The following CFAP58 variants were observed in gnomAD, a reference collection of about 807,000 sequenced individuals.
CFAP58 encodes cilia and flagella associated protein 58.
Under a neutral mutation model 119.5 loss-of-function variants are expected in CFAP58, and 88 were observed. The ratio of observed to expected loss-of-function variants is 0.74; its 90% CI spans 0.62 to 0.88. The LOEUF is 0.88. Among genes scored for constraint, CFAP58 ranks in the 40% least tolerant of loss-of-function variants. CFAP58 has a pLI of 0.00. For missense variants in CFAP58, 990 were observed against 1,021.2 expected (o/e 0.97, Z 0.42); for synonymous variants, 365 against 366.3 (o/e 1.00, Z 0.04).
chr10:104,437,343 GGTT>G (rs1488720268), intron 15 of CFAP58, among the ~76,000 whole-genome samples: 1 of 152,168 alleles, frequency 6.6e-6, no homozygotes, highest in Non-Finnish European at 1.5e-5. Context: ...GGAAAGTAAA[GGTT>G]GTTGTAACAT....
rs1446449541 is a variant in CFAP58 at position 104,402,661 on chromosome 10, G to C, written c.2040-1068G>C. Among the ~76,000 whole-genome samples, 7 of 152,202 alleles carry C rather than the reference G, an allele frequency of 4.6e-5. No individual in the cohort carries two copies. The East Asian group carries it at 1.3e-3, about 29-fold the overall frequency. The stretch of plus-strand genomic sequence containing the variant: ...AGATTTCTGAAGATTTTAGCGGTGT[G>C]TTTCAGCCAGAGCTAGTTATTCAGG... On this transcript the variant is annotated intron_variant, in intron 13 of 17. Coordinates refer to ENST00000369704, the MANE Select transcript of CFAP58 (RefSeq NM_001008723.2).
intron 15 of CFAP58, among the ~76,000 whole-genome samples, chr10:104,413,904 T>A (rs1402558440): frequency 2.6e-5 from 4 of 152,182 alleles, no homozygotes; most frequent in Admixed American, 2.6e-4. Flanking sequence ...TGATGAACAC[T>A]CAGAGCTACT....
At chr10:104,447,543 A>T (rs2013128923) in intron 15 of CFAP58, among the ~76,000 whole-genome samples, 155 bp from the exon 16 acceptor site, 1 of 152,164 alleles carries the variant, frequency 6.6e-6, no homozygotes, top group African/African-American at 2.4e-5. Context: ...GATTGTTTCA[A>T]TGCATGACTG....
intron 15 of CFAP58, among the ~76,000 whole-genome samples, chr10:104,436,501 T>A (rs766525012): frequency 1.3e-5 from 2 of 152,110 alleles, no homozygotes; most frequent in Non-Finnish European, 2.9e-5. Context: ...AGCGAGCTTT[T>A]TCTTATGGTG....
chr10:104,372,768 T>C (rs2014841473), intron 7 of CFAP58, among the ~76,000 whole-genome samples: 1 of 152,262 alleles, frequency 6.6e-6, no homozygotes, highest in Admixed American at 6.5e-5. Context: ...TTTACCCATT[T>C]GGCGTTGAGC....
chr10:104,375,152 G>A (rs1276053419), intron 7 of CFAP58, among the ~76,000 whole-genome samples: 1 of 150,886 alleles, frequency 6.6e-6, no homozygotes, highest in African/African-American at 2.4e-5. Flanking sequence ...TCTGTATTCT[G>A]TATTCTCTAT....
At chr10:104,367,270 A>G (rs867766063) in intron 5 of CFAP58, among the ~76,000 whole-genome samples, 2 of 152,224 alleles carry the variant, frequency 1.3e-5, no homozygotes, top group Non-Finnish European at 2.9e-5. Flanking sequence ...GTTTAGGGTG[A>G]CACAAGTATT....
intron 15 of CFAP58, among the ~76,000 whole-genome samples, chr10:104,411,351 G>A (rs2012457181): frequency 6.6e-6 from 1 of 151,774 alleles, no homozygotes; most frequent in Non-Finnish European, 1.5e-5. Context: ...ATAGTTTCTT[G>A]ATCTTTTCTC....
chr10:104,446,603 T>A (rs1300976796), intron 15 of CFAP58, among the ~76,000 whole-genome samples: 1 of 152,266 alleles, frequency 6.6e-6, no homozygotes, highest in Non-Finnish European at 1.5e-5. Context: ...TTTGACTGAA[T>A]GTTTCATTTA....
chr10:104,444,442 T>C (rs982532140), intron 15 of CFAP58, among the ~76,000 whole-genome samples: 1 of 152,216 alleles, frequency 6.6e-6, no homozygotes, highest in Admixed American at 6.5e-5. Flanking sequence ...ATAGATTCTC[T>C]TTATAATAGA....
intron 15 of CFAP58, among the ~76,000 whole-genome samples, chr10:104,411,705 G>T (rs2012463206): frequency 6.6e-6 from 1 of 151,536 alleles, no homozygotes; most frequent in Non-Finnish European, 1.5e-5. Context: ...ACATATACTA[G>T]AACCTCAAAC....
intron 3 of CFAP58, among the ~76,000 whole-genome samples, chr10:104,363,614 A>C (rs2014701583): frequency 6.6e-6 from 1 of 152,210 alleles, no homozygotes; most frequent in African/African-American, 2.4e-5. Flanking sequence ...GGAGAATGGA[A>C]GAAACAATCC....
Position 104,368,464 on chromosome 10 carries a change from G to T in CFAP58, c.834G>T (p.Gln278His). 1 of 1,613,942 alleles carries T rather than the reference G, an allele frequency of 6.2e-7. No homozygotes were observed. The highest frequency in any genetic ancestry group is 8.5e-7 in the Non-Finnish European group (1 of 1,179,886). The part of the protein sequence containing the change: ...ERAAKELEQF[Q>H]MRNAKLQQEN... The stretch of plus-strand genomic sequence containing the variant: ...CTGCAAAGGAACTCGAGCAATTTCA[G>T]ATGAGAAATGCTAAACTTCAGCAAG... The change falls in exon 6 of 18, where the codon CAG becomes CAT. Residue 278 changes from glutamine (Q) to histidine (H), a missense_variant. Coordinates refer to ENST00000369704, the MANE Select transcript of CFAP58 (RefSeq NM_001008723.2).
intron 15 of CFAP58, 59 bp downstream of exon 15, chr10:104,406,852 C>T: frequency 7.6e-7 from 1 of 1,307,240 alleles, no homozygotes; most frequent in Non-Finnish European, 1.1e-6. Context: ...ATCTCCAGGA[C>T]TACGTTCTTA....
intron 13 of CFAP58, among the ~76,000 whole-genome samples, chr10:104,402,789 C>A (rs1258564364): frequency 1.3e-5 from 2 of 152,164 alleles, no homozygotes; most frequent in East Asian, 3.8e-4. Context: ...ATTGCCAAGA[C>A]CTCTGAAGCC....
At chr10:104,411,691 G>A (rs376621446) in intron 15 of CFAP58, among the ~76,000 whole-genome samples, 10 of 151,674 alleles carry the variant, frequency 6.6e-5, no homozygotes, top group African/African-American at 2.4e-4. Context: ...GGACTACTTG[G>A]CTAACATATA....
Position 104,365,991 on chromosome 10 carries a change from C to CAGCTGAAGGAGCAGA in CFAP58, c.778_792dup (p.Leu260_Lys264dup). 6.2e-7 allele frequency: 1 copy of CAGCTGAAGGAGCAGA among 1,601,406 alleles called. No homozygotes were observed. The highest frequency in any genetic ancestry group is 8.5e-7 in the Non-Finnish European group (1 of 1,174,992). On this transcript the variant is annotated inframe_insertion, in exon 5 of 18. Transcript: ENST00000369704. ...GGAGGAGCTTCAGAAGCTGGAGCAG[C>CAGCTGAAGGAGCAGA]AGCTGAAGGAGCAGAAGGTGAGTTG...
intron 1 of CFAP58, among the ~76,000 whole-genome samples, chr10:104,354,210 A>G (rs953496596): frequency 6.6e-6 from 1 of 152,162 alleles, no homozygotes; most frequent in Non-Finnish European, 1.5e-5. Flanking sequence ...ATTTTTAGTC[A>G]TGGAGTGATA....
intron 15 of CFAP58, among the ~76,000 whole-genome samples, chr10:104,420,942 G>C (rs976006116): frequency 6.6e-6 from 1 of 151,726 alleles, no homozygotes; most frequent in Non-Finnish European, 1.5e-5. Context: ...TAGTAGAGAT[G>C]GGTTTTTGCT....
Sources: gnomAD v4.1 joint callset for allele counts (sites outside exome capture counted in the v4.1 genomes callset) on GRCh38, gnomAD v4.1.1 for gene constraint, MANE v1.5 for transcripts, NCBI Gene and HGNC (gene_info 2026-07-23, HGNC 2026-07-21) for gene names.